Variants in ADAMTSL1 observed in about 807,000 individuals in gnomAD.
ADAMTSL1 encodes ADAMTS like 1.
ADAMTSL1 carries 126 observed loss-of-function variants against 201.8 expected under a neutral mutation model. The ratio of observed to expected loss-of-function variants is 0.62; its 90% CI spans 0.54 to 0.72. The LOEUF is 0.72. Ranked by LOEUF, ADAMTSL1 falls within the 30% of genes least tolerant of loss-of-function variation. The probability of loss-of-function intolerance (pLI) is 0.00; values close to 1 mark genes in which losing one functional copy is unlikely to be tolerated. For missense variants in ADAMTSL1, 2,679 were observed against 2,277.8 expected (o/e 1.18, Z -3.59); for synonymous variants, 1,121 against 903.4 (o/e 1.24, Z -4.32).
At chr9:18,580,884 C>G (rs540444342) in intron 4 of ADAMTSL1, among the ~76,000 whole-genome samples, 1 of 152,170 alleles carries the variant, frequency 6.6e-6, no homozygotes, top group African/African-American at 2.4e-5. Flanking sequence ...CTATACTGCC[C>G]TCACTGTAAA....
chr9:18,646,451 C>T (rs911977407), intron 7 of ADAMTSL1, among the ~76,000 whole-genome samples: 2 of 151,746 alleles, frequency 1.3e-5, no homozygotes, highest in African/African-American at 2.4e-5. Flanking sequence ...TGAGAGAGGG[C>T]ATCCCTGTCT....
chr9:18,702,765 AG>A (rs199726877), intron 13 of ADAMTSL1, among the ~76,000 whole-genome samples: 90 of 149,142 alleles, frequency 6.0e-4, no homozygotes, highest in African/African-American at 5.6e-4. Context: ...TAACAAAAAG[AG>A]TTTTTTTTTT....
intron 9 of ADAMTSL1, among the ~76,000 whole-genome samples, chr9:18,664,671 A>C (rs1425442667): frequency 6.6e-6 from 1 of 152,070 alleles, no homozygotes; most frequent in Non-Finnish European, 1.5e-5. Flanking sequence ...ATTTAAAAAG[A>C]AAAGTCCCAG....
intron 13 of ADAMTSL1, among the ~76,000 whole-genome samples, chr9:18,699,541 G>C (rs1405525255): frequency 6.6e-6 from 1 of 151,916 alleles, no homozygotes; most frequent in Non-Finnish European, 1.5e-5. Flanking sequence ...TATTGCCCAG[G>C]CTGGTCTCAA....
At chr9:17,913,494 C>A (rs1261882185) in intron 1 of ADAMTSL1, among the ~76,000 whole-genome samples, 1 of 151,876 alleles carries the variant, frequency 6.6e-6, no homozygotes, top group Non-Finnish European at 1.5e-5. Context: ...ACACAACATA[C>A]CAGAATCTCT....
intron 1 of ADAMTSL1, among the ~76,000 whole-genome samples, chr9:18,091,760 G>A (rs1824029042): frequency 6.6e-6 from 1 of 152,020 alleles, no homozygotes; most frequent in Non-Finnish European, 1.5e-5. Flanking sequence ...AAAAAGTAAA[G>A]GGGCATTATA....
intron 1 of ADAMTSL1, among the ~76,000 whole-genome samples, chr9:18,029,618 G>A (rs1219306111): frequency 3.4e-4 from 52 of 151,782 alleles, no homozygotes; most frequent in African/African-American, 1.0e-3. Flanking sequence ...GCAACCTACA[G>A]AATGGGAGAA....
rs555783097 is a variant in ADAMTSL1 at position 18,018,802 on chromosome 9, G to A, written c.87+111880G>A. Among the ~76,000 whole-genome samples, 11 of 152,126 alleles carry A rather than the reference G, an allele frequency of 7.2e-5. 1 individual carries two copies. The highest frequency in any genetic ancestry group is 2.4e-4 in the African/African-American group (10 of 41,520). ...CTTGGCTCATAAAAACCAAGATAATGTTTGCTGTTTTAAGGCACTAAGTTT... is the reference window on the plus strand; with the variant it reads ...CTTGGCTCATAAAAACCAAGATAATATTTGCTGTTTTAAGGCACTAAGTTT... On this transcript the variant is annotated intron_variant, in intron 1 of 29. Coordinates refer to the ADAMTSL1 transcript ENST00000680146.
intron 1 of ADAMTSL1, among the ~76,000 whole-genome samples, chr9:18,499,231 A>G (rs1259347173): frequency 6.6e-6 from 1 of 152,198 alleles, no homozygotes; most frequent in Non-Finnish European, 1.5e-5. Flanking sequence ...CCAGCAGCAA[A>G]TATCATCTGG....
At chr9:18,351,828 A>G (rs1301378416) in intron 2 of ADAMTSL1, among the ~76,000 whole-genome samples, 2 of 152,204 alleles carry the variant, frequency 1.3e-5, no homozygotes, top group Non-Finnish European at 2.9e-5. Context: ...GGTATAGAGT[A>G]GCTTTATCAC....
chr9:18,516,092 A>AC (rs1019741322), intron 2 of ADAMTSL1, among the ~76,000 whole-genome samples: 13 of 151,514 alleles, frequency 8.6e-5, no homozygotes, highest in African/African-American at 2.9e-4. Flanking sequence ...ACTACCAAAA[A>AC]AAAAAAAAAG....
chr9:18,788,611 G>A (rs1335735686), intron 19 of ADAMTSL1, among the ~76,000 whole-genome samples: 1 of 152,096 alleles, frequency 6.6e-6, no homozygotes, highest in Non-Finnish European at 1.5e-5. Flanking sequence ...ATAATAAAAA[G>A]CATATACATT....
intron 1 of ADAMTSL1, among the ~76,000 whole-genome samples, chr9:17,948,515 G>A (rs1827602048): frequency 6.6e-6 from 1 of 152,170 alleles, no homozygotes; most frequent in Non-Finnish European, 1.5e-5. Context: ...TTATTAGGGA[G>A]TGCTGTGTAT....
At position 18,407,685 on chromosome 9, in the gene ADAMTSL1, G is replaced by C. The variant is rs73643269; in HGVS notation, c.208-97144G>C. ...ACTTAGATGTCTTGATCATCTTAAT[G>C]AGGATCAGTGAAGAGGTAAGAAGTG... On this transcript the variant is annotated intron_variant, in intron 2 of 29. Transcript: ENST00000680146. 4.9e-3 allele frequency among the ~76,000 whole-genome samples: 739 copies of C among 152,348 alleles called. 7 individuals are homozygous for C. Among genetic ancestry groups the C allele is most frequent in the Middle Eastern group, 0.017 (5 of 294 alleles).
chr9:18,188,802 A>G (rs762611218), intron 2 of ADAMTSL1, among the ~76,000 whole-genome samples: 1 of 152,114 alleles, frequency 6.6e-6, no homozygotes, highest in Non-Finnish European at 1.5e-5. Context: ...CTATTTTCCT[A>G]TGTATTTGAT....
chr9:18,124,835 G>C (rs1011586053), intron 1 of ADAMTSL1, among the ~76,000 whole-genome samples: 2 of 152,088 alleles, frequency 1.3e-5, no homozygotes, highest in Non-Finnish European at 2.9e-5. Flanking sequence ...TTTCTGGTCC[G>C]AAGTGTTTTT....
intron 2 of ADAMTSL1, among the ~76,000 whole-genome samples, chr9:18,285,486 G>C (rs1832957379): frequency 6.6e-6 from 1 of 152,016 alleles, no homozygotes; most frequent in Non-Finnish European, 1.5e-5. Flanking sequence ...AGCTACTGCA[G>C]TTTATTAGTT....
chr9:18,562,176 T>C (rs1003193606), intron 3 of ADAMTSL1, among the ~76,000 whole-genome samples: 1 of 152,210 alleles, frequency 6.6e-6, no homozygotes, highest in African/African-American at 2.4e-5. Flanking sequence ...TTTCTTTCCA[T>C]GTTTAGCGCT....
intron 1 of ADAMTSL1, among the ~76,000 whole-genome samples, chr9:18,051,539 T>C (rs947344520): frequency 1.3e-5 from 2 of 151,360 alleles, no homozygotes; most frequent in Non-Finnish European, 2.9e-5. Flanking sequence ...CAGACAACTT[T>C]TTAAAACTTT....
Sources: allele counts gnomAD v4.1 joint callset (sites outside exome capture counted in the v4.1 genomes callset), GRCh38; gene constraint gnomAD v4.1.1; transcripts MANE v1.5; gene names NCBI Gene and HGNC (gene_info 2026-07-23, HGNC 2026-07-21).